Variants in UTS2B observed in about 807,000 individuals in gnomAD.
The protein encoded by UTS2B is urotensin-2B.
A neutral mutation model predicts 19.2 loss-of-function variants in UTS2B; 21 were observed. That is an observed-to-expected ratio of 1.09 (90% CI 0.78 to 1.58). The LOEUF (loss-of-function observed/expected upper bound fraction) is 1.58. UTS2B is among the 40% of genes most tolerant of loss of function. The probability of loss-of-function intolerance (pLI) is 0.00; values close to 1 mark genes in which losing one functional copy is unlikely to be tolerated. For missense variants in UTS2B, 138 were observed against 130.3 expected (o/e 1.06, Z -0.29); for synonymous variants, 57 against 50.2 (o/e 1.14, Z -0.58).
chr3:191,302,796 C>T (rs756826327), intron 4 of UTS2B, among the ~76,000 whole-genome samples: 1 of 152,178 alleles, frequency 6.6e-6, no homozygotes, highest in African/African-American at 2.4e-5. Flanking sequence ...ACTTTTGTTA[C>T]GCTGAGTGCT....
chr3:191,273,424 T>G, intron 8 of UTS2B: 1 of 454,840 alleles, frequency 2.2e-6, no homozygotes, highest in East Asian at 7.0e-5. Context: ...CAGTGACTAA[T>G]CCCGGCCAAT....
At chr3:191,297,204 A>G (rs1349319930) in intron 4 of UTS2B, among the ~76,000 whole-genome samples, 4 of 152,124 alleles carry the variant, frequency 2.6e-5, no homozygotes, top group Non-Finnish European at 5.9e-5. Context: ...AGTAATATTA[A>G]TACTTCTGTC....
chr3:191,284,523 T>G (rs1046152937), intron 4 of UTS2B, among the ~76,000 whole-genome samples: 1 of 103,210 alleles, frequency 9.7e-6, no homozygotes, highest in Non-Finnish European at 2.5e-5. Context: ...GGTTTCACCA[T>G]GCTGGTCACA....
intron 4 of UTS2B, among the ~76,000 whole-genome samples, chr3:191,302,520 C>T (rs929088426): frequency 6.6e-6 from 1 of 152,222 alleles, no homozygotes; most frequent in Non-Finnish European, 1.5e-5. Flanking sequence ...CTGGGCAAAG[C>T]CATGGACCCA....
At chr3:191,280,715 G>A (rs1716363361) in intron 5 of UTS2B, among the ~76,000 whole-genome samples, 1 of 152,080 alleles carries the variant, frequency 6.6e-6, no homozygotes, top group African/African-American at 2.4e-5. Flanking sequence ...TGATTTAGAG[G>A]CAGATTTTTC....
intron 2 of UTS2B, among the ~76,000 whole-genome samples, chr3:191,327,986 G>T (rs913142905): frequency 4.6e-5 from 7 of 152,160 alleles, no homozygotes; most frequent in African/African-American, 1.7e-4. Context: ...TAGACTTTGA[G>T]GCTTAAGAGG....
the UTS2B span, among the ~76,000 whole-genome samples, chr3:191,339,638 CT>C: frequency 6.6e-6 from 1 of 152,166 alleles, no homozygotes; most frequent in Non-Finnish European, 1.5e-5. Flanking sequence ...CTTCAAGAAG[CT>C]TTCTGAATAT....
At chr3:191,320,909 G>A (rs1463728321) in intron 2 of UTS2B, among the ~76,000 whole-genome samples, 1 of 152,188 alleles carries the variant, frequency 6.6e-6, no homozygotes, top group African/African-American at 2.4e-5. Flanking sequence ...TGGTTTGAAT[G>A]TGTCTCTCCA....
intron 3 of UTS2B, among the ~76,000 whole-genome samples, chr3:191,304,788 T>A (rs182274816): frequency 6.9e-4 from 105 of 152,276 alleles, no homozygotes; most frequent in Non-Finnish European, 1.3e-3. Flanking sequence ...TAAGCATATA[T>A]CCATTAGTTA....
intron 8 of UTS2B, among the ~76,000 whole-genome samples, chr3:191,269,795 A>C (rs956424237): frequency 2.0e-5 from 3 of 152,216 alleles, no homozygotes; most frequent in Admixed American, 2.0e-4. Flanking sequence ...CTTATACCAC[A>C]TGAACAGCTC....
chr3:191,273,842 A>C lies in UTS2B; in HGVS notation c.334+1410T>G, dbSNP rs571408848. On this transcript the variant is annotated intron_variant, in intron 8 of 8. Transcript: ENST00000340524. ...TTTTTGACACCTGCCTATTTTTTAC[A>C]CTTCATGTGTAATTCTCCAGCACAT... Among the ~76,000 whole-genome samples, 7 of 152,248 alleles carry C rather than the reference A, an allele frequency of 4.6e-5. No homozygotes were observed. In the East Asian group the frequency reaches 9.6e-4, roughly 21 times the overall value.
chr3:191,310,574 A>C (rs577965502), intron 3 of UTS2B, among the ~76,000 whole-genome samples: 23 of 152,248 alleles, frequency 1.5e-4, no homozygotes, highest in African/African-American at 5.3e-4. Flanking sequence ...GGCCATTGCT[A>C]TTTCTGTGAG....
At chr3:191,279,575 G>C (rs1716325819) in intron 5 of UTS2B, among the ~76,000 whole-genome samples, 1 of 151,970 alleles carries the variant, frequency 6.6e-6, no homozygotes, top group Non-Finnish European at 1.5e-5. Flanking sequence ...GTAACTAGAA[G>C]AGTATGGATC....
chr3:191,304,767 A>C (rs184142), intron 3 of UTS2B, among the ~76,000 whole-genome samples: 91,664 of 152,070 alleles, frequency 0.6, 28,077 homozygotes, highest in African/African-American at 0.72. Flanking sequence ...ATTATTTCAT[A>C]ACCTAGGTAG....
At chr3:191,330,676 C>G (rs1717950462), upstream of UTS2B, 1 of 152,184 alleles carries the variant, frequency 6.6e-6, no homozygotes, top group African/African-American at 2.4e-5. Context: ...CCTGAGGCGT[C>G]TTGGAGATGT....
At chr3:191,274,669 A>C (rs1346283694) in intron 8 of UTS2B, among the ~76,000 whole-genome samples, 1 of 152,246 alleles carries the variant, frequency 6.6e-6, no homozygotes, top group Non-Finnish European at 1.5e-5. Flanking sequence ...GTTAAAGACA[A>C]ATCTGGTATA....
At chr3:191,275,167 G>A (rs1716195858) in intron 8 of UTS2B, 85 bp downstream of exon 8, 2 of 1,005,358 alleles carry the variant, frequency 2.0e-6, no homozygotes, top group African/African-American at 1.6e-5. Flanking sequence ...ATTAAGAAAT[G>A]CCAACTGAAT....
At chr3:191,332,260 C>A (rs138109587), upstream of UTS2B, among the ~76,000 whole-genome samples, 5 of 152,156 alleles carry the variant, frequency 3.3e-5, no homozygotes, top group African/African-American at 1.2e-4. Flanking sequence ...TTAAGGAAGT[C>A]AAAAATATTC....
chr3:191,292,432 T>A (rs1043724731), intron 4 of UTS2B, among the ~76,000 whole-genome samples: 4 of 152,230 alleles, frequency 2.6e-5, no homozygotes, highest in Non-Finnish European at 4.4e-5. Context: ...AATTGTCCTA[T>A]AATTGATTTT....
Sources: allele counts gnomAD v4.1 joint callset (sites outside exome capture counted in the v4.1 genomes callset), GRCh38; gene constraint gnomAD v4.1.1; transcripts MANE v1.5; gene names NCBI Gene and HGNC (gene_info 2026-07-23, HGNC 2026-07-21).